CAMSAP2: variants seen among roughly 807,000 people sequenced by gnomAD.
CAMSAP2 encodes calmodulin regulated spectrin associated protein family member 2.
CAMSAP2 carries 26 observed loss-of-function variants against 146.1 expected under a neutral mutation model. The observed-to-expected ratio is 0.18, with a 90% CI of 0.13 to 0.25. The LOEUF is 0.25. Ranked by LOEUF, CAMSAP2 falls within the 10% of genes least tolerant of loss-of-function variation. The pLI, the probability that CAMSAP2 is intolerant of heterozygous loss-of-function variation, is 1.00. For synonymous variants in CAMSAP2, 499 were observed against 596.6 expected, an observed-to-expected ratio of 0.84 and a Z score of 2.38; for missense variants, 1,381 against 1,759.3, an observed-to-expected ratio of 0.78 and a Z score of 3.85.
At chr1:200,854,693 A>G in intron 13 of CAMSAP2, 124 bp from the exon 14 acceptor site, 1 of 589,528 alleles carries the variant, frequency 1.7e-6, no homozygotes. Flanking sequence ...AAAGGAAAAG[A>G]AACTACAGAA....
chr1:200,810,575 CAAAAA>C, intron 3 of CAMSAP2, among the ~76,000 whole-genome samples: 1 of 95,876 alleles, frequency 1.0e-5, no homozygotes, highest in East Asian at 3.0e-4. Context: ...GACTCCATCT[CAAAAA>C]AAAAAAAAAA....
At chr1:200,782,783 T>TA (rs1491315859) in intron 2 of CAMSAP2, among the ~76,000 whole-genome samples, 1 of 50,004 alleles carries the variant, frequency 2.0e-5, no homozygotes, top group Non-Finnish European at 5.4e-5. Flanking sequence ...CATTTCTCTC[T>TA]TTTTTTTTTT....
At chr1:200,767,125 G>A (rs878887103) in intron 2 of CAMSAP2, among the ~76,000 whole-genome samples, 4 of 152,126 alleles carry the variant, frequency 2.6e-5, no homozygotes, top group African/African-American at 9.7e-5. Flanking sequence ...GAGGTCAGGA[G>A]TTCGAGACCA....
chr1:200,816,857 CGTGTGTATGTGTGTACACACACACGCGT>C (rs1666542038), intron 4 of CAMSAP2, among the ~76,000 whole-genome samples: 1 of 73,882 alleles, frequency 1.4e-5, no homozygotes, highest in Non-Finnish European at 2.6e-5. Flanking sequence ...CACACACACG[CGTGTGTATGTGTGTACACACACACGCGT>C]GTGTATGTGT....
chr1:200,822,841 T>A (rs1666810494), intron 4 of CAMSAP2, among the ~76,000 whole-genome samples: 2 of 152,288 alleles, frequency 1.3e-5, no homozygotes, highest in South Asian at 4.1e-4. Context: ...CAGCATGTGG[T>A]TTCATCACAC....
Position 200,857,935 on chromosome 1 carries a change from A to G in CAMSAP2, c.4313A>G (p.Lys1438Arg). Reference sequence around the variant, plus strand: ...CTTTACAAATATAATTCTGACAGGAAACAGTTTAGCCACATACCCGCTAAA... The same window carrying G: ...CTTTACAAATATAATTCTGACAGGAGACAGTTTAGCCACATACCCGCTAAA... Reference protein sequence around the residue: ...EGLYKYNSDRKQFSHIPAKTL... With the variant: ...EGLYKYNSDRRQFSHIPAKTL... Residue 1438 changes from lysine to arginine, a missense_variant, in exon 17 of 17, where the codon AAA becomes AGA. Coordinates refer to ENST00000358823, the MANE Select transcript of CAMSAP2 (RefSeq NM_203459.4). This position sits in a 1 kb window ranked among gnomAD's most constrained non-coding sequence, Gnocchi z 4.7. 1 of 1,613,952 alleles carries G rather than the reference A, an allele frequency of 6.2e-7. No homozygotes were observed. Among genetic ancestry groups the G allele is most frequent in the Non-Finnish European group, 8.5e-7 (1 of 1,179,866 alleles).
chr1:200,791,923 G>A (rs547305585), intron 2 of CAMSAP2, among the ~76,000 whole-genome samples: 39 of 151,392 alleles, frequency 2.6e-4, no homozygotes, highest in African/African-American at 9.0e-4. Flanking sequence ...CCAAGAACAC[G>A]CCACTGCACT....
rs1253058891 is a variant in CAMSAP2 at position 200,739,247 on chromosome 1, C to G, written c.-581C>G. Among the ~76,000 whole-genome samples, 2 of 152,098 alleles carry G rather than the reference C, an allele frequency of 1.3e-5. No individual in the cohort carries two copies. The highest frequency in any genetic ancestry group is 2.9e-5 in the Non-Finnish European group (2 of 67,988). On this transcript the variant is annotated 5_prime_UTR_variant, in exon 1 of 17. Transcript: ENST00000358823. This position sits in a 1 kb window ranked among gnomAD's most constrained non-coding sequence, Gnocchi z 4.8. ...GCGTCTCCGGCGGGCAGGGGCCGGG[C>G]TGCGCTGGGTGGGCCAGCTCGCCCC...
chr1:200,812,090 T>C (rs1666347893), intron 3 of CAMSAP2, among the ~76,000 whole-genome samples: 2 of 152,202 alleles, frequency 1.3e-5, no homozygotes, highest in South Asian at 4.1e-4. Flanking sequence ...ACTTTTTTTC[T>C]TTCATAGCAC....
At chr1:200,745,793 T>G (rs568445024) in intron 1 of CAMSAP2, among the ~76,000 whole-genome samples, 2 of 152,358 alleles carry the variant, frequency 1.3e-5, no homozygotes, top group East Asian at 1.9e-4. Flanking sequence ...TAAAATAGAT[T>G]GTTGACCATG....
chr1:200,844,985 T>C, intron 8 of CAMSAP2, 116 bp downstream of exon 8: 1 of 524,654 alleles, frequency 1.9e-6, no homozygotes, highest in Non-Finnish European at 3.2e-6. Flanking sequence ...TTTTGAACTG[T>C]TATAATTAGC....
At chr1:200,778,642 A>G (rs945700374) in intron 2 of CAMSAP2, among the ~76,000 whole-genome samples, 2 of 152,152 alleles carry the variant, frequency 1.3e-5, no homozygotes, top group Non-Finnish European at 2.9e-5. Context: ...AATATATAAT[A>G]CCTGCATTTT....
chr1:200,753,809 GCCACTA>G (rs1456277187), intron 1 of CAMSAP2, among the ~76,000 whole-genome samples: 1 of 152,044 alleles, frequency 6.6e-6, no homozygotes, highest in African/African-American at 2.4e-5. Context: ...GCTTGTCACT[GCCACTA>G]CCACGACCAC....
chr1:200,773,322 C>T (rs191169145), intron 2 of CAMSAP2, among the ~76,000 whole-genome samples: 6 of 151,710 alleles, frequency 4.0e-5, no homozygotes, highest in African/African-American at 1.5e-4. Flanking sequence ...GGTGTGATCT[C>T]GGCTTACTGC....
chr1:200,741,621 T>G (rs1664178778), intron 1 of CAMSAP2, among the ~76,000 whole-genome samples: 1 of 152,210 alleles, frequency 6.6e-6, no homozygotes, highest in Non-Finnish European at 1.5e-5. Context: ...AGAGGATACT[T>G]ATAGGATACA....
At chr1:200,818,297 A>G (rs1318988596) in intron 4 of CAMSAP2, among the ~76,000 whole-genome samples, 1 of 152,138 alleles carries the variant, frequency 6.6e-6, no homozygotes, top group Non-Finnish European at 1.5e-5. Flanking sequence ...AAATAAAGTG[A>G]TCTTGAAGAA....
intron 4 of CAMSAP2, among the ~76,000 whole-genome samples, chr1:200,818,010 A>G (rs1312290791): frequency 1.3e-5 from 2 of 151,842 alleles, no homozygotes; most frequent in Admixed American, 1.3e-4. Context: ...TCTCTTTTTC[A>G]TAATCATAGG....
At chr1:200,798,175 G>A (rs1457335905) in intron 2 of CAMSAP2, among the ~76,000 whole-genome samples, 3 of 150,640 alleles carry the variant, frequency 2.0e-5, no homozygotes, top group African/African-American at 7.4e-5. Flanking sequence ...GGTTCCATAT[G>A]AACTTTAGTT....
chr1:200,766,775 A>G (rs1664965343), intron 2 of CAMSAP2, among the ~76,000 whole-genome samples: 1 of 152,180 alleles, frequency 6.6e-6, no homozygotes, highest in African/African-American at 2.4e-5. Context: ...GGGAAGTAGT[A>G]AGGTGGAAGG....
Sources: gnomAD v4.1 joint callset for allele counts (sites outside exome capture counted in the v4.1 genomes callset) on GRCh38, gnomAD v4.1.1 for gene constraint, Gnocchi (gnomAD v3.1) non-coding constraint, MANE v1.5 for transcripts, NCBI Gene and HGNC (gene_info 2026-07-23, HGNC 2026-07-21) for gene names.